The following ILDR2 variants were observed in gnomAD, a reference collection of about 807,000 sequenced individuals.
The protein encoded by ILDR2 is immunoglobulin like domain containing receptor 2, also known as immunoglobulin-like domain-containing receptor 2.
Under a neutral mutation model 66.8 loss-of-function variants are expected in ILDR2, and 25 were observed. That is an observed-to-expected ratio of 0.37 (90% CI 0.27 to 0.52). The LOEUF is 0.52. Among genes scored for constraint, ILDR2 ranks in the 20% least tolerant of loss-of-function variants. The pLI is 0.88. For missense variants in ILDR2, 827 were observed against 876.8 expected, an observed-to-expected ratio of 0.94 and a Z score of 0.72; for synonymous variants, 367 against 357.2, an observed-to-expected ratio of 1.03 and a Z score of -0.31.
At chr1:166,963,355 C>T (rs1469006822) in intron 1 of ILDR2, among the ~76,000 whole-genome samples, 1 of 152,182 alleles carries the variant, frequency 6.6e-6, no homozygotes, top group African/African-American at 2.4e-5. Flanking sequence ...ATTGTTATTA[C>T]ACCTGTTTTA....
intron 1 of ILDR2, among the ~76,000 whole-genome samples, chr1:166,972,048 C>T (rs893113860): frequency 1.1e-4 from 17 of 151,986 alleles, no homozygotes; most frequent in African/African-American, 4.1e-4. Context: ...CCCAACTCTA[C>T]TAAAAATACA....
intron 2 of ILDR2, among the ~76,000 whole-genome samples, chr1:166,901,011 G>C (rs1368863812): frequency 2.0e-5 from 3 of 152,156 alleles, no homozygotes; most frequent in Non-Finnish European, 4.4e-5. Flanking sequence ...AAGATGACAG[G>C]TGGAGCACAC....
At chr1:166,951,960 T>A (rs1475198395) in intron 3 of ILDR2, among the ~76,000 whole-genome samples, 1 of 152,190 alleles carries the variant, frequency 6.6e-6, no homozygotes, top group Non-Finnish European at 1.5e-5. Flanking sequence ...GGGGTGTTCA[T>A]CCAGTCACAT....
At position 166,972,242 on chromosome 1, in the gene ILDR2, G is replaced by A. The variant is rs1383201174; in HGVS notation, c.46+2981C>T. Reference sequence around the variant, plus strand: ...AAAAAAAAAGAAAAGAAAAAGAAATGCTAATTCATCAAGCAATCTTTGTCA... The same window carrying A: ...AAAAAAAAAGAAAAGAAAAAGAAATACTAATTCATCAAGCAATCTTTGTCA... On this transcript the variant is annotated intron_variant, in intron 1 of 9. Transcript: ENST00000271417. Among the ~76,000 whole-genome samples, 4 of 151,732 alleles carry A rather than the reference G, an allele frequency of 2.6e-5. No homozygotes were observed. The South Asian group carries it at 6.3e-4, about 24-fold the overall frequency.
chr1:166,958,107 A>G lies in ILDR2; in HGVS notation c.47-6T>C. The stretch of plus-strand genomic sequence containing the variant: ...CTGAAGGCCTTCGACCATGGCTGCA[A>G]AACAGAATAAACATGTCCGAACAGT... On this transcript the variant is annotated splice_polypyrimidine_tract_variant and splice_region_variant and intron_variant, in intron 1 of 9. Transcript: ENST00000271417. 1 of 1,600,968 alleles carries G rather than the reference A, an allele frequency of 6.2e-7. No individual in the cohort carries two copies. The highest frequency in any genetic ancestry group is 8.5e-7 in the Non-Finnish European group (1 of 1,169,688).
At chr1:166,973,814 A>G (rs937829375) in intron 1 of ILDR2, among the ~76,000 whole-genome samples, 2 of 152,138 alleles carry the variant, frequency 1.3e-5, no homozygotes, top group African/African-American at 4.8e-5. Flanking sequence ...GAGATGATTC[A>G]TATCTGAATA....
In ILDR2 at chr1:166,921,644, T is replaced by G. The variant is rs965713473; in HGVS notation, c.1212-265A>C. Among the ~76,000 whole-genome samples, 8 of 152,364 alleles carry G rather than the reference T, an allele frequency of 5.3e-5. No individual in the cohort carries two copies. The highest frequency in any genetic ancestry group is 4.4e-5 in the Non-Finnish European group (3 of 68,028). On this transcript the variant is annotated intron_variant, in intron 8 of 9. Transcript: ENST00000271417. The surrounding 1 kb of genome is among the most constrained non-coding windows in gnomAD (Gnocchi z 5.3). ...ACATATTCTGTATCCTATGGAATAC[T>G]GACCCACCGTGGGGCTGCCTTCTGG...
chr1:166,975,278 C>A lies in ILDR2; in HGVS notation c.-10G>T. 1.9e-6 allele frequency: 3 copies of A among 1,613,072 alleles called. No individual in the cohort carries two copies. The highest frequency in any genetic ancestry group is 2.5e-6 in the Non-Finnish European group (3 of 1,179,206). ...GCAAGACCCTATCCATCTTCCCCAA[C>A]TTCCCAGCCGAATTACGGAGTGAGG... On this transcript the variant is annotated 5_prime_UTR_variant, in exon 1 of 10. Transcript: ENST00000271417.
At chr1:166,964,920 A>G (rs554352234) in intron 1 of ILDR2, among the ~76,000 whole-genome samples, 2 of 152,236 alleles carry the variant, frequency 1.3e-5, no homozygotes, top group South Asian at 2.1e-4. Context: ...CCTTTCCCCC[A>G]CTAGTTGTAA....
intron 1 of ILDR2, among the ~76,000 whole-genome samples, chr1:166,963,723 C>T (rs568731038): frequency 1.2e-4 from 19 of 152,328 alleles, no homozygotes; most frequent in African/African-American, 4.3e-4. Context: ...CCCCAGTATG[C>T]TCCAGCCATA....
In ILDR2 at chr1:166,943,777, A is replaced by G. The variant is rs546101883; in HGVS notation, c.500-4207T>C. On this transcript the variant is annotated intron_variant, in intron 3 of 9. Transcript: ENST00000271417. ...CAGATTTCAGCAGCACTTTACCAAC[A>G]CTTGTGAATCGCTGTCATTCTTCCA... 5 of 975,246 alleles carry G rather than the reference A, an allele frequency of 5.1e-6. No individual in the cohort carries two copies. The African/African-American group carries it at 7.0e-5, about 14-fold the overall frequency. The allele number at this position is 975,246 out of a possible 1,614,324, so 60.4% of individuals were successfully genotyped here.
At chr1:166,943,405 T>C (rs913892415) in intron 3 of ILDR2, among the ~76,000 whole-genome samples, 2 of 138,844 alleles carry the variant, frequency 1.4e-5, no homozygotes, top group African/African-American at 2.7e-5. Context: ...GGCAGGAGAA[T>C]GGCGTAAACC....
chr1:166,973,999 A>G (rs1007718283), intron 1 of ILDR2, among the ~76,000 whole-genome samples: 2 of 152,086 alleles, frequency 1.3e-5, no homozygotes, highest in Non-Finnish European at 2.9e-5. Context: ...GAAATGGGGT[A>G]TTTGCCTTTT....
chr1:166,943,467 G>C (rs1464255261), intron 3 of ILDR2, among the ~76,000 whole-genome samples: 1 of 135,144 alleles, frequency 7.4e-6, no homozygotes, highest in Non-Finnish European at 1.5e-5. Context: ...ACTCCAGCCT[G>C]GGCGACAGAG....
In ILDR2 at chr1:166,963,214, C is replaced by A. The variant is rs376834068; in HGVS notation, c.47-5113G>T. 4.3e-4 allele frequency among the ~76,000 whole-genome samples: 65 copies of A among 152,318 alleles called. No individual in the cohort carries two copies. In the East Asian group the frequency reaches 7.7e-3, roughly 18 times the overall value. ...TGATCTTTCTCTATTCCCACTGTCA[C>A]TCCCTTAAATCAAGTTTCTATTTCT... On this transcript the variant is annotated intron_variant, in intron 1 of 9. Transcript: ENST00000271417.
chr1:166,935,544 A>C, intron 5 of ILDR2, 67 bp from the exon 6 acceptor site: 5 of 1,403,512 alleles, frequency 3.6e-6, no homozygotes, highest in Middle Eastern at 1.9e-4. Flanking sequence ...CACACCAAAA[A>C]TCCCTGAGGA....
chr1:166,966,600 CCTTT>C (rs1404171084), intron 1 of ILDR2, among the ~76,000 whole-genome samples: 1 of 152,212 alleles, frequency 6.6e-6, no homozygotes, highest in African/African-American at 2.4e-5. Flanking sequence ...AGTGTGCCAT[CCTTT>C]CTTGTACTCT....
rs192518111 is a variant in ILDR2, at chr1:166,949,583, A to G, written c.499+7150T>C. Among the ~76,000 whole-genome samples the G allele has an allele frequency of 1.4e-3, 208 of 152,376 alleles. 1 individual carries two copies. The highest frequency in any genetic ancestry group is 2.4e-3 in the Admixed American group (36 of 15,314). On this transcript the variant is annotated intron_variant, in intron 3 of 9. Coordinates refer to ENST00000271417, the MANE Select transcript of ILDR2 (RefSeq NM_199351.3). Reference sequence around the variant, plus strand: ...AAGAGCAAGGTTGAGATTATGGAGTAGAAAGGTCTGAAGGCCAAAGGAAGC... The same window carrying G: ...AAGAGCAAGGTTGAGATTATGGAGTGGAAAGGTCTGAAGGCCAAAGGAAGC...
Position 166,910,595 on chromosome 1 carries a change from A to G in ILDR2, c.*8760T>C, listed in dbSNP as rs1337252727. 6.6e-6 allele frequency: 1 copy of G among 152,188 alleles called. No homozygotes were observed. Among genetic ancestry groups the G allele is most frequent in the Admixed American group, 6.5e-5 (1 of 15,276 alleles). 9.4% of individuals were successfully genotyped at this position (152,188 alleles called of 1,614,324 possible). A position where few individuals can be genotyped will look rare whatever the true frequency, so the allele number is the denominator to read the frequency against. On this transcript the variant is annotated 3_prime_UTR_variant, in exon 10 of 10. Coordinates refer to ENST00000271417, the MANE Select transcript of ILDR2 (RefSeq NM_199351.3). ...GTGTCAGACCAACTCACTCACCTCT[A>G]AGCAACTTCCTAGCTACTTCTACAC...
Sources: allele counts gnomAD v4.1 joint callset (sites outside exome capture counted in the v4.1 genomes callset), GRCh38; gene constraint gnomAD v4.1.1; non-coding constraint Gnocchi (gnomAD v3.1); transcripts MANE v1.5; gene names NCBI Gene and HGNC (gene_info 2026-07-23, HGNC 2026-07-21).